CCN6: variants seen among roughly 807,000 people sequenced by gnomAD.
CCN6 encodes the protein cellular communication network factor 6, also known as CCN family member 6.
Under a neutral mutation model 37.4 loss-of-function variants are expected in CCN6, and 31 were observed. The observed-to-expected ratio is 0.83, with a 90% CI of 0.62 to 1.12. The LOEUF is 1.12. CCN6 is among the 50% of genes most tolerant of loss of function. The probability of loss-of-function intolerance (pLI) is 0.00; values close to 1 mark genes in which losing one functional copy is unlikely to be tolerated. For missense variants in CCN6, 369 were observed against 413.8 expected (o/e 0.89, Z 0.94); for synonymous variants, 137 against 142.1 (o/e 0.96, Z 0.26).
In CCN6 at chr6:112,068,230, GA is replaced by G. The variant is rs781790231; in HGVS notation, c.624del (p.Lys208AsnfsTer24). On this transcript the variant is annotated frameshift_variant, in exon 4 of 5. Transcript: ENST00000368666. LOFTEE classifies it high-confidence loss of function. The stretch of plus-strand genomic sequence containing the variant: ...CTTATAGAAATCTCCCACTTATTTG[GA>G]AAAAAAAATGTCTTGTGCAAGCAAC... ...PAYRNLPLIW[K>X]KKCLVQATKW... 57 of 1,597,570 alleles carry G rather than the reference GA, an allele frequency of 3.6e-5. No homozygotes were observed. The highest frequency in any genetic ancestry group is 1.4e-4 in the Admixed American group (8 of 58,164).
Position 112,069,650 on chromosome 6 carries a change from A to T in CCN6, c.*30A>T. 6.2e-7 allele frequency: 1 copy of T among 1,612,448 alleles called. No homozygotes were observed. The highest frequency in any genetic ancestry group is 8.5e-7 in the Non-Finnish European group (1 of 1,179,206). Reference sequence around the variant, plus strand: ...AAGCAAATGGGGGAAAAGTTAGTCAATCCTGTCATATAATAAAAAAATTAG... The same window carrying T: ...AAGCAAATGGGGGAAAAGTTAGTCATTCCTGTCATATAATAAAAAAATTAG... On this transcript the variant is annotated 3_prime_UTR_variant, in exon 5 of 5. Transcript: ENST00000368666.
At chr6:112,054,437 G>A (rs1554311414) in intron 1 of CCN6, 32 bp downstream of exon 1, 3 of 1,605,696 alleles carry the variant, frequency 1.9e-6, no homozygotes, top group African/African-American at 1.3e-5. Flanking sequence ...TTTCCCTTCC[G>A]GAGGCTATGG....
chr6:112,066,862 A>T, intron 3 of CCN6: 2 of 851,982 alleles, frequency 2.3e-6, no homozygotes, highest in Non-Finnish European at 3.3e-6. Flanking sequence ...AATCTCTTCT[A>T]GTTTTCTTGC....
intron 2 of CCN6, among the ~76,000 whole-genome samples, chr6:112,062,637 C>A (rs1554313123): frequency 1.3e-5 from 2 of 152,260 alleles, no homozygotes; most frequent in African/African-American, 4.8e-5. Flanking sequence ...AGGGTCAAAT[C>A]TAGCCAACAG....
At chr6:112,066,366 A>G (rs1776696410) in intron 3 of CCN6, among the ~76,000 whole-genome samples, 1 of 152,150 alleles carries the variant, frequency 6.6e-6, no homozygotes, top group South Asian at 2.1e-4. Context: ...TTCCCTGGGA[A>G]GACTACCTTA....
At chr6:112,058,536 C>A (rs1169107012) in intron 1 of CCN6, among the ~76,000 whole-genome samples, 2 of 152,270 alleles carry the variant, frequency 1.3e-5, no homozygotes, top group East Asian at 3.9e-4. Flanking sequence ...TAGGCACTTA[C>A]ATGGGTAATT....
In CCN6 at chr6:112,061,046, C is replaced by T; in HGVS notation, c.104C>T (p.Pro35Leu). 1 of 1,614,160 alleles carries T rather than the reference C, an allele frequency of 6.2e-7. No homozygotes were observed. Among genetic ancestry groups the T allele is most frequent in the Non-Finnish European group, 8.5e-7 (1 of 1,180,030 alleles). Residue 35 changes from proline (P) to leucine (L), a missense_variant, in exon 2 of 5, where the codon CCT becomes CTT. By Grantham distance (98) the Pro-to-Leu change is moderately conservative. Transcript: ENST00000368666. ...TTAGATACAACACCTGAAGGAAGGC[C>T]TGGAGAAGTGTCAGATGCACCTCAG... ...GPLDTTPEGR[P>L]GEVSDAPQRK... is the part of the protein sequence containing the mutation.
intron 3 of CCN6, among the ~76,000 whole-genome samples, chr6:112,066,551 G>A (rs933078248): frequency 1.1e-4 from 17 of 152,032 alleles, no homozygotes; most frequent in African/African-American, 3.6e-4. Context: ...AGTGTTCTCT[G>A]GTATTTATGA....
intron 2 of CCN6, 154 bp downstream of exon 2, chr6:112,061,442 G>A: frequency 2.2e-6 from 2 of 893,206 alleles, no homozygotes; most frequent in Non-Finnish European, 1.8e-6. Context: ...CATTGTATTG[G>A]ATACTATGTG....
chr6:112,065,231 T>C (rs587669187), intron 3 of CCN6, among the ~76,000 whole-genome samples: 3 of 152,326 alleles, frequency 2.0e-5, no homozygotes, highest in Non-Finnish European at 2.9e-5. Flanking sequence ...TTTTAAAAGA[T>C]CTACTAGGTC....
chr6:112,060,908 C>T (rs1562595052), intron 1 of CCN6, 83 bp from the exon 2 acceptor site: 2 of 1,524,504 alleles, frequency 1.3e-6, no homozygotes, highest in Non-Finnish European at 1.8e-6. Context: ...CTGTATACTA[C>T]CTGTTTGGGG....
At chr6:112,062,504 T>A (rs1394015442) in intron 2 of CCN6, among the ~76,000 whole-genome samples, 4 of 152,128 alleles carry the variant, frequency 2.6e-5, no homozygotes, top group Admixed American at 6.5e-5. Context: ...GAGAATGAAA[T>A]ATTAAGATGT....
At chr6:112,065,173 G>A (rs797030494) in intron 3 of CCN6, among the ~76,000 whole-genome samples, 176 bp downstream of exon 3, 26 of 152,190 alleles carry the variant, frequency 1.7e-4, no homozygotes, top group African/African-American at 6.3e-4. Context: ...ATCTGCAAAG[G>A]AAATTTTATA....
chr6:112,064,716 C>T (rs2114456325), intron 2 of CCN6, 39 bp from the exon 3 acceptor site: 1 of 1,613,586 alleles, frequency 6.2e-7, no homozygotes, highest in Non-Finnish European at 8.5e-7. Context: ...TATCACAGAT[C>T]ATGGCTTCTT....
chr6:112,057,163 A>G (rs1776371416), intron 1 of CCN6, among the ~76,000 whole-genome samples: 1 of 152,198 alleles, frequency 6.6e-6, no homozygotes, highest in Admixed American at 6.5e-5. Context: ...CAACCCAGGG[A>G]GTCCAGCAAA....
At chr6:112,062,132 C>A (rs587646522) in intron 2 of CCN6, among the ~76,000 whole-genome samples, 8 of 152,246 alleles carry the variant, frequency 5.3e-5, no homozygotes, top group African/African-American at 1.9e-4. Flanking sequence ...GGTTCAAGTC[C>A]TGACTGCTCT....
At chr6:112,064,467 T>G (rs1776618352) in intron 2 of CCN6, among the ~76,000 whole-genome samples, 1 of 152,234 alleles carries the variant, frequency 6.6e-6, no homozygotes, top group African/African-American at 2.4e-5. Flanking sequence ...TTAACCTGTC[T>G]CAGATTTATT....
intron 1 of CCN6, chr6:112,054,782 A>G: frequency 4.1e-6 from 1 of 243,234 alleles, no homozygotes; most frequent in Non-Finnish European, 8.1e-6. Context: ...GCTGTTTGCA[A>G]AATGTGCAAA....
chr6:112,055,579 C>CTTTA (rs375824740), intron 1 of CCN6, among the ~76,000 whole-genome samples: 2,302 of 151,390 alleles, frequency 0.015, 19 homozygotes, highest in African/African-American at 0.018. Context: ...GTGCTGGGTG[C>CTTTA]TTTATTTATT....
Sources: allele counts gnomAD v4.1 joint callset (sites outside exome capture counted in the v4.1 genomes callset), GRCh38; gene constraint gnomAD v4.1.1; transcripts MANE v1.5; gene names NCBI Gene and HGNC (gene_info 2026-07-23, HGNC 2026-07-21).